Variants in CACNA2D3 observed in about 807,000 individuals in gnomAD.
The protein encoded by CACNA2D3 is calcium voltage-gated channel auxiliary subunit alpha2delta 3.
Under a neutral mutation model 160.6 loss-of-function variants are expected in CACNA2D3, and 60 were observed. The ratio of observed to expected loss-of-function variants is 0.37; its 90% CI spans 0.30 to 0.46. CACNA2D3 has a LOEUF of 0.46. CACNA2D3 is among the 20% of genes least tolerant of loss of function. CACNA2D3 has a pLI of 1.00. For synonymous variants in CACNA2D3, 558 were observed against 492.9 expected (o/e 1.13, Z -1.75); for missense variants, 1,205 against 1,365.0 (o/e 0.88, Z 1.85).
intron 13 of CACNA2D3, among the ~76,000 whole-genome samples, chr3:54,784,979 A>G (rs1308599625): frequency 6.6e-6 from 1 of 152,196 alleles, no homozygotes; most frequent in Non-Finnish European, 1.5e-5. Flanking sequence ...ACTCTTGGGA[A>G]GGGGGCCAGA....
chr3:54,550,797 C>A (rs989979937), intron 5 of CACNA2D3, among the ~76,000 whole-genome samples: 1 of 152,178 alleles, frequency 6.6e-6, no homozygotes, highest in Non-Finnish European at 1.5e-5. Context: ...GGATTCCCCA[C>A]ATGGATGCTG....
At chr3:54,432,150 CT>C (rs1167272882) in intron 4 of CACNA2D3, among the ~76,000 whole-genome samples, 1 of 152,056 alleles carries the variant, frequency 6.6e-6, no homozygotes, top group Admixed American at 6.6e-5. Context: ...TTTTTGTGGT[CT>C]CATTTTCATA....
At chr3:54,852,704 A>G (rs142094311) in intron 17 of CACNA2D3, among the ~76,000 whole-genome samples, 1 of 152,326 alleles carries the variant, frequency 6.6e-6, no homozygotes, top group Non-Finnish European at 1.5e-5. Context: ...CCATGGATTG[A>G]TACATGGACA....
At chr3:54,467,733 G>T (rs1017358984) in intron 4 of CACNA2D3, among the ~76,000 whole-genome samples, 3 of 152,146 alleles carry the variant, frequency 2.0e-5, no homozygotes, top group African/African-American at 7.2e-5. Context: ...AGGGTACAGG[G>T]GAAGGAGGAG....
intron 11 of CACNA2D3, among the ~76,000 whole-genome samples, chr3:54,643,751 G>C (rs1261528451): frequency 6.6e-6 from 1 of 152,148 alleles, no homozygotes; most frequent in African/African-American, 2.4e-5. Flanking sequence ...GTAGCACACG[G>C]CCCAGTGCTG....
intron 2 of CACNA2D3, among the ~76,000 whole-genome samples, chr3:54,207,579 A>T (rs976652038): frequency 2.0e-5 from 3 of 152,146 alleles, no homozygotes; most frequent in Non-Finnish European, 2.9e-5. Context: ...GGATGAATGG[A>T]TGTTGGTGTA....
intron 11 of CACNA2D3, among the ~76,000 whole-genome samples, chr3:54,700,511 A>G (rs1559553045): frequency 6.6e-6 from 1 of 152,220 alleles, no homozygotes; most frequent in Non-Finnish European, 1.5e-5. Context: ...GCACAAATAT[A>G]TAATATTTTC....
chr3:54,215,186 A>C (rs563022614), intron 2 of CACNA2D3, among the ~76,000 whole-genome samples: 3 of 151,698 alleles, frequency 2.0e-5, no homozygotes, highest in Admixed American at 1.3e-4. Context: ...CAAATATCCT[A>C]CCCCCCAGCT....
At chr3:54,977,598 T>C (rs1046388779) in intron 29 of CACNA2D3, among the ~76,000 whole-genome samples, 1 of 152,192 alleles carries the variant, frequency 6.6e-6, no homozygotes, top group Non-Finnish European at 1.5e-5. Context: ...TTTGTGGCCT[T>C]ATATGCAGCT....
intron 34 of CACNA2D3, among the ~76,000 whole-genome samples, chr3:55,010,571 T>C (rs72866949): frequency 0.12 from 18,463 of 152,168 alleles, 1,301 homozygotes; most frequent in African/African-American, 0.19. Context: ...CTCTGTTCTT[T>C]CTTTCCTTCA....
At chr3:54,553,381 C>T (rs541742260) in intron 5 of CACNA2D3, among the ~76,000 whole-genome samples, 56 of 152,304 alleles carry the variant, frequency 3.7e-4, no homozygotes, top group African/African-American at 1.2e-3. Context: ...GTCCAACACA[C>T]GGCACAGAAG....
intron 2 of CACNA2D3, among the ~76,000 whole-genome samples, chr3:54,206,214 T>A: frequency 6.6e-6 from 1 of 152,184 alleles, no homozygotes; most frequent in East Asian, 1.9e-4. Flanking sequence ...CAAGCATATA[T>A]TAATGTAAAA....
chr3:54,808,565 ATGAGT>A (rs1157235195), intron 13 of CACNA2D3, among the ~76,000 whole-genome samples: 4 of 152,152 alleles, frequency 2.6e-5, no homozygotes, highest in African/African-American at 4.8e-5. Flanking sequence ...AGGGAAAGCG[ATGAGT>A]TGAGTTGATG....
chr3:54,140,898 C>G (rs1699913135), intron 2 of CACNA2D3, among the ~76,000 whole-genome samples: 1 of 152,214 alleles, frequency 6.6e-6, no homozygotes, highest in South Asian at 2.1e-4. Flanking sequence ...ACTTTACCAG[C>G]TGAGAAAACT....
At chr3:55,021,599 T>TTATATA (rs56044949) in intron 35 of CACNA2D3, among the ~76,000 whole-genome samples, 51 of 141,786 alleles carry the variant, frequency 3.6e-4, no homozygotes, top group African/African-American at 1.3e-3. Context: ...CATCTCTAAA[T>TTATATA]TATATATATA....
intron 9 of CACNA2D3, among the ~76,000 whole-genome samples, chr3:54,592,892 A>G (rs1256610840): frequency 6.6e-6 from 1 of 152,130 alleles, no homozygotes; most frequent in East Asian, 1.9e-4. Context: ...TCAGCCTGAG[A>G]TTTGTCAATG....
intron 4 of CACNA2D3, among the ~76,000 whole-genome samples, chr3:54,428,581 T>A (rs938640765): frequency 7.1e-5 from 10 of 140,672 alleles, no homozygotes; most frequent in Non-Finnish European, 1.4e-4. Flanking sequence ...GATATATTTC[T>A]TTTTTTTTTT....
chr3:54,439,231 T>G (rs1700105559), intron 4 of CACNA2D3, among the ~76,000 whole-genome samples: 1 of 152,150 alleles, frequency 6.6e-6, no homozygotes, highest in Non-Finnish European at 1.5e-5. Context: ...TGTCTTATTT[T>G]GAAATATTTT....
At chr3:54,286,280 A>G (rs2107470029) in intron 2 of CACNA2D3, among the ~76,000 whole-genome samples, 1 of 152,382 alleles carries the variant, frequency 6.6e-6, no homozygotes, top group African/African-American at 2.4e-5. Context: ...TACGTGAAGA[A>G]TGCAGAAGCC....
Sources: allele counts gnomAD v4.1 joint callset (sites outside exome capture counted in the v4.1 genomes callset), GRCh38; gene constraint gnomAD v4.1.1; transcripts MANE v1.5; gene names NCBI Gene and HGNC (gene_info 2026-07-23, HGNC 2026-07-21).